Variants in ANKRD18B observed in about 807,000 individuals in gnomAD.
The protein encoded by ANKRD18B is ankyrin repeat domain 18B.
In ANKRD18B, 75 loss-of-function variants were observed where a neutral mutation model predicts 111.8. That is an observed-to-expected ratio of 0.67 (90% CI 0.56 to 0.81). The LOEUF is 0.81. ANKRD18B is among the 40% of genes least tolerant of loss of function. ANKRD18B has a pLI of 0.00. For missense variants in ANKRD18B, 1,038 were observed against 1,225.5 expected (o/e 0.85, Z 2.28); for synonymous variants, 356 against 417.3 (o/e 0.85, Z 1.79).
intron 14 of ANKRD18B, among the ~76,000 whole-genome samples, chr9:33,560,279 A>G (rs1323280675): frequency 3.9e-5 from 6 of 152,190 alleles, no homozygotes; most frequent in Non-Finnish European, 8.8e-5. Context: ...CCACCTCACA[A>G]TTGAATACCA....
intron 1 of ANKRD18B, 24 bp from the exon 2 acceptor site, chr9:33,528,703 T>C (rs556648852): frequency 6.4e-7 from 1 of 1,552,826 alleles, no homozygotes; most frequent in South Asian, 1.2e-5. Context: ...CTACATTTCC[T>C]GAAAACCCCT....
intron 13 of ANKRD18B, 30 bp from the exon 14 acceptor site, chr9:33,558,028 C>G: frequency 6.6e-7 from 1 of 1,514,302 alleles, no homozygotes; most frequent in African/African-American, 1.4e-5. Context: ...CTTAAAAATT[C>G]TTGACTTACC....
chr9:33,573,962 TAAAC>T (rs1276276385), downstream of ANKRD18B, among the ~76,000 whole-genome samples: 2 of 143,230 alleles, frequency 1.4e-5, no homozygotes, highest in African/African-American at 4.9e-5. Context: ...GGTTGGAACA[TAAAC>T]AATAAAAAAC....
chr9:33,561,835 A>G (rs1030940029), intron 14 of ANKRD18B, among the ~76,000 whole-genome samples: 5 of 152,104 alleles, frequency 3.3e-5, no homozygotes, highest in Admixed American at 3.3e-4. Flanking sequence ...GTGCAGGCTT[A>G]TTTTTAGATT....
intron 16 of ANKRD18B, among the ~76,000 whole-genome samples, chr9:33,568,309 CAT>C (rs1016580925): frequency 6.6e-6 from 1 of 152,206 alleles, no homozygotes; most frequent in African/African-American, 2.4e-5. Context: ...CATTTTCCCA[CAT>C]AGTTACCCTT....
chr9:33,557,281 AT>A (rs962427727), intron 13 of ANKRD18B, among the ~76,000 whole-genome samples: 1 of 152,098 alleles, frequency 6.6e-6, no homozygotes, highest in African/African-American at 2.4e-5. Flanking sequence ...TCTACATTGA[AT>A]AATGTCCTTG....
intron 14 of ANKRD18B, among the ~76,000 whole-genome samples, chr9:33,560,501 A>G (rs1563907542): frequency 1.3e-5 from 2 of 152,224 alleles, no homozygotes; most frequent in Non-Finnish European, 2.9e-5. Flanking sequence ...GGACCCTTCC[A>G]TATCTGCCTA....
chr9:33,532,811 A>G (rs988770062), intron 3 of ANKRD18B, among the ~76,000 whole-genome samples: 8 of 152,190 alleles, frequency 5.3e-5, no homozygotes, highest in African/African-American at 1.7e-4. Flanking sequence ...CTGAAACTCT[A>G]GTTCCTAAAA....
Position 33,567,319 on chromosome 9 carries a change from G to A in ANKRD18B, c.2954+5G>A. ...CATGTCAGAAAAAATAACGAAGTAA[G>A]TCAAAACATATACTCATAGAAAATG... On this transcript the variant is annotated splice_donor_5th_base_variant and intron_variant, in intron 16 of 18. Transcript: ENST00000684830. 6 of 1,537,988 alleles carry A rather than the reference G, an allele frequency of 3.9e-6. No homozygotes were observed. Among genetic ancestry groups the A allele is most frequent in the Non-Finnish European group, 5.2e-6 (6 of 1,143,108 alleles).
chr9:33,544,931 C>T (rs1029818443), intron 10 of ANKRD18B, among the ~76,000 whole-genome samples: 3 of 152,144 alleles, frequency 2.0e-5, no homozygotes, highest in African/African-American at 7.2e-5. Context: ...AGAGCTCTTA[C>T]ATTGTAACTC....
At position 33,534,408 on chromosome 9, in the gene ANKRD18B, G is replaced by A; in HGVS notation, c.641G>A (p.Ser214Asn). The A allele has an allele frequency of 3.2e-6, 5 of 1,550,402 alleles. No homozygotes were observed. The highest frequency in any genetic ancestry group is 4.4e-6 in the Non-Finnish European group (5 of 1,146,624). ...LILAVQHNLS[S>N]IVTLLLQQNI... ...CTTGCAGTACAGCATAACTTGTCAA[G>A]TATCGTCACCCTCCTGCTTCAACAA... Residue 214 changes from serine to asparagine, a missense_variant, in exon 5 of 19, where the codon AGT becomes AAT. Around this residue, in one of 4 missense-constraint regions of ANKRD18B, gnomAD observed 93 missense variants for 141.3 expected, o/e 0.66. Transcript: ENST00000684830.
intron 12 of ANKRD18B, among the ~76,000 whole-genome samples, chr9:33,552,956 C>T (rs1201143173): frequency 6.6e-6 from 1 of 152,048 alleles, no homozygotes; most frequent in East Asian, 1.9e-4. Flanking sequence ...AGATAAAGAA[C>T]CGGAGACACG....
chr9:33,524,729 C>T lies in ANKRD18B; in HGVS notation c.206+34C>T, dbSNP rs551704123. 322 of 1,531,168 alleles carry T rather than the reference C, an allele frequency of 2.1e-4. No individual in the cohort carries two copies. In the East Asian group the frequency reaches 5.0e-3, roughly 24 times the overall value. 94.8% of individuals were successfully genotyped at this position (1,531,168 alleles called of 1,614,324 possible). A position where few individuals can be genotyped will look rare whatever the true frequency, so the allele number is the denominator to read the frequency against. On this transcript the variant is annotated intron_variant, in intron 1 of 18. Coordinates refer to ENST00000684830, the MANE Select transcript of ANKRD18B (RefSeq NM_001393611.1). ...GGCTCAGCCCTCGGTGGGAGGGGGCCCCCAGGCCCGGTTTCCCCGCACCGC... is the reference window on the plus strand; with the variant it reads ...GGCTCAGCCCTCGGTGGGAGGGGGCTCCCAGGCCCGGTTTCCCCGCACCGC...
At chr9:33,545,179 G>A (rs548277) in intron 10 of ANKRD18B, among the ~76,000 whole-genome samples, 1 of 152,178 alleles carries the variant, frequency 6.6e-6, no homozygotes, top group Non-Finnish European at 1.5e-5. Context: ...TGTAAAGATT[G>A]TAACAAACCA....
chr9:33,534,418 C>G lies in ANKRD18B; in HGVS notation c.651C>G (p.Thr217=). ...AVQHNLSSIV[T]LLLQQNIHIS... is the part of the protein sequence containing the mutation. ...AGCATAACTTGTCAAGTATCGTCAC[C>G]CTCCTGCTTCAACAAAATATACATA... Residue 217 remains threonine (T), a synonymous_variant, in exon 5 of 19, where the codon ACC becomes ACG. Coordinates refer to ENST00000684830, the MANE Select transcript of ANKRD18B (RefSeq NM_001393611.1). 6.4e-7 allele frequency: 1 copy of G among 1,550,746 alleles called. No individual in the cohort carries two copies. The highest frequency in any genetic ancestry group is 8.7e-7 in the Non-Finnish European group (1 of 1,146,712).
intron 15 of ANKRD18B, among the ~76,000 whole-genome samples, chr9:33,566,792 T>C (rs538100146): frequency 1.3e-5 from 2 of 152,298 alleles, no homozygotes; most frequent in African/African-American, 2.4e-5. Context: ...AATTATATGA[T>C]ACTTTTGAAT....
rs554514074 is a variant in ANKRD18B, at chr9:33,528,776, C to A, written c.256C>A (p.Leu86Ile). 1.1e-5 allele frequency: 18 copies of A among 1,613,450 alleles called. No homozygotes were observed. The South Asian group carries it at 2.0e-4, about 18-fold the overall frequency. ...CAHGRVQVVT[L>I]LLDRKCQINI... ...CCATGGCCGTGTGCAAGTGGTCACT[C>A]TCTTGCTGGACAGAAAATGCCAGAT... Residue 86 changes from leucine (L) to isoleucine (I), a missense_variant, in exon 2 of 19, where the codon CTC becomes ATC. Coordinates refer to ENST00000684830, the MANE Select transcript of ANKRD18B (RefSeq NM_001393611.1).
Position 33,567,312 on chromosome 9 carries a change from GAAGT to G in ANKRD18B, c.2954+3_2954+6del. The G allele has an allele frequency of 6.5e-7, 1 of 1,539,844 alleles. No homozygotes were observed. The highest frequency in any genetic ancestry group is 1.2e-5 in the South Asian group (1 of 80,522). ...ACAGTTCCATGTCAGAAAAAATAAC[GAAGT>G]AAGTCAAAACATATACTCATAGAAA... is the stretch of plus-strand genomic sequence containing the variant. On this transcript the variant is annotated splice_donor_variant and coding_sequence_variant, in exon 16 of 19. Transcript: ENST00000684830. LOFTEE classifies it high-confidence loss of function.
chr9:33,531,096 A>G (rs1485798677), intron 3 of ANKRD18B, among the ~76,000 whole-genome samples: 1 of 152,234 alleles, frequency 6.6e-6, no homozygotes, highest in Non-Finnish European at 1.5e-5. Context: ...CCTTGAAGTC[A>G]GTGAGAATGC....
Sources: allele counts gnomAD v4.1 joint callset (sites outside exome capture counted in the v4.1 genomes callset), GRCh38; gene constraint gnomAD v4.1.1; regional missense constraint gnomAD v4.1.1; transcripts MANE v1.5; gene names NCBI Gene and HGNC (gene_info 2026-07-23, HGNC 2026-07-21).